Variants in CHCHD4 observed in about 807,000 individuals in gnomAD.
CHCHD4 encodes coiled-coil-helix-coiled-coil-helix domain containing 4.
Under a neutral mutation model 12.4 loss-of-function variants are expected in CHCHD4, and 7 were observed. The ratio of observed to expected loss-of-function variants is 0.57; its 90% CI spans 0.32 to 1.06. The LOEUF (loss-of-function observed/expected upper bound fraction) is 1.06, where lower values mean the gene tolerates loss of function less well. Ranked by LOEUF, CHCHD4 falls within the 50% of genes least tolerant of loss-of-function variation. The pLI, the probability that CHCHD4 is intolerant of heterozygous loss-of-function variation, is 0.04. For missense variants in CHCHD4, 143 were observed against 175.1 expected (o/e 0.82, Z 1.03); for synonymous variants, 56 against 58.0 (o/e 0.97, Z 0.16).
chr3:14,120,095 C>T (rs1338481866), intron 1 of CHCHD4, among the ~76,000 whole-genome samples: 1 of 152,194 alleles, frequency 6.6e-6, no homozygotes, highest in Non-Finnish European at 1.5e-5. Context: ...AGAATCAACT[C>T]AGTCCCCACC....
intron 2 of CHCHD4, among the ~76,000 whole-genome samples, chr3:14,114,496 A>C (rs558572900): frequency 6.6e-6 from 1 of 152,246 alleles, no homozygotes; most frequent in East Asian, 1.9e-4. Flanking sequence ...CCCTTCCCCT[A>C]CATCTCACCA....
intron 1 of CHCHD4, among the ~76,000 whole-genome samples, chr3:14,123,180 T>C (rs1467509172): frequency 6.6e-6 from 1 of 152,144 alleles, no homozygotes; most frequent in Non-Finnish European, 1.5e-5. Flanking sequence ...CAGGAAAAGA[T>C]AGGGCTCCAT....
intron 1 of CHCHD4, among the ~76,000 whole-genome samples, chr3:14,121,047 C>T (rs111408115): frequency 0.022 from 3,300 of 152,264 alleles, 58 homozygotes; most frequent in South Asian, 0.048. Context: ...TCTGCAGCTG[C>T]AGGCATATCC....
rs147780384 is a variant in CHCHD4, at chr3:14,116,436, G to A, written c.111C>T (p.Tyr37=). Residue 37 remains tyrosine, a synonymous_variant, in exon 2 of 3, where the codon TAC becomes TAT. Transcript: ENST00000396914. ...CCACATGTCACTCACCATGCTCCTC[G>A]TATGGATCGTTGGGGTCATCAGCCA... ...ELVADDPNDP[Y]EEHGLILPNG... 7.9e-5 allele frequency: 126 copies of A among 1,603,788 alleles called. No homozygotes were observed. In the Middle Eastern group the frequency reaches 1.3e-3, roughly 17 times the overall value.
intron 2 of CHCHD4, among the ~76,000 whole-genome samples, chr3:14,115,197 G>A (rs1271445940): frequency 6.6e-6 from 1 of 152,130 alleles, no homozygotes; most frequent in African/African-American, 2.4e-5. Flanking sequence ...ACTATAAGGG[G>A]CTGTAAAGCC....
Position 14,112,825 on chromosome 3 carries a change from A to AC in CHCHD4, c.*61dup. On this transcript the variant is annotated 3_prime_UTR_variant, in exon 3 of 3. Transcript: ENST00000396914. ...AAGGAAACTTTCTTGGAAGGTGATG[A>AC]CAAGGCCTTTTGCAAAAGGTCCACT... 15 of 1,471,984 alleles carry AC rather than the reference A, an allele frequency of 1.0e-5. No homozygotes were observed. Among genetic ancestry groups the AC allele is most frequent in the Non-Finnish European group, 1.4e-5 (15 of 1,085,912 alleles). 91.2% of individuals were successfully genotyped at this position (1,471,984 alleles called of 1,614,324 possible). A position where few individuals can be genotyped will look rare whatever the true frequency, so the allele number is the denominator to read the frequency against.
intron 1 of CHCHD4, chr3:14,121,780 C>G (rs1694936993): frequency 6.7e-7 from 1 of 1,484,802 alleles, no homozygotes; most frequent in African/African-American, 1.4e-5. Context: ...CTGCTAAGGA[C>G]TTTCATGTTT....
intron 1 of CHCHD4, among the ~76,000 whole-genome samples, chr3:14,117,836 T>C (rs2124976527): frequency 6.6e-6 from 1 of 152,328 alleles, no homozygotes; most frequent in Middle Eastern, 3.4e-3. Context: ...CTCTGAAGTC[T>C]ACACTGTTGG....
intron 1 of CHCHD4, among the ~76,000 whole-genome samples, chr3:14,119,716 C>T (rs1262362466): frequency 6.6e-6 from 1 of 152,220 alleles, no homozygotes; most frequent in African/African-American, 2.4e-5. Flanking sequence ...CTTAAACCCT[C>T]TGGTGCACAG....
chr3:14,112,851 C>A lies in CHCHD4; in HGVS notation c.*36G>T. 1 of 1,572,534 alleles carries A rather than the reference C, an allele frequency of 6.4e-7. No homozygotes were observed. The highest frequency in any genetic ancestry group is 8.6e-7 in the Non-Finnish European group (1 of 1,158,570). On this transcript the variant is annotated 3_prime_UTR_variant, in exon 3 of 3. Transcript: ENST00000396914. Reference sequence around the variant, plus strand: ...CAAGGCCTTTTGCAAAAGGTCCACTCCAAAAGGACTGGTGCCCAGTGCCTT... The same window carrying A: ...CAAGGCCTTTTGCAAAAGGTCCACTACAAAAGGACTGGTGCCCAGTGCCTT...
At position 14,113,201 on chromosome 3, in the gene CHCHD4, C is replaced by T. The variant is rs77941327; in HGVS notation, c.122-7G>A. ...CCATTTGGCAGTATCAATCCTAGAACAGGAAGATAGAGAGATGTTCTCTAA... is the reference window on the plus strand; with the variant it reads ...CCATTTGGCAGTATCAATCCTAGAATAGGAAGATAGAGAGATGTTCTCTAA... On this transcript the variant is annotated splice_region_variant and splice_polypyrimidine_tract_variant and intron_variant, in intron 2 of 2. Transcript: ENST00000396914. 4.8e-3 allele frequency: 7,684 copies of T among 1,594,664 alleles called. 376 individuals are homozygous for T. In the African/African-American group the frequency reaches 0.092, roughly 19 times the overall value.
intron 1 of CHCHD4, chr3:14,121,936 G>C: frequency 6.2e-7 from 1 of 1,614,096 alleles, no homozygotes; most frequent in African/African-American, 1.3e-5. Context: ...CTCCAGCTCT[G>C]TGGTAGTACC....
intron 1 of CHCHD4, among the ~76,000 whole-genome samples, chr3:14,117,901 C>T (rs961622239): frequency 1.3e-5 from 2 of 152,180 alleles, no homozygotes; most frequent in Admixed American, 6.5e-5. Context: ...CAAGAATAAT[C>T]GACAGCTGAC....
At position 14,121,822 on chromosome 3, in the gene CHCHD4, C is replaced by G. The variant is rs1364686252; in HGVS notation, c.22+2833G>C. 1.9e-6 allele frequency: 3 copies of G among 1,599,524 alleles called. No homozygotes were observed. The East Asian group carries it at 6.7e-5, about 36-fold the overall frequency. On this transcript the variant is annotated intron_variant, in intron 1 of 2. Transcript: ENST00000396914. ...TAACCCCTTTGAAAGATACAACTCCCCCATACAGAATCAAGTGTCTGTGAA... is the reference window on the plus strand; with the variant it reads ...TAACCCCTTTGAAAGATACAACTCCGCCATACAGAATCAAGTGTCTGTGAA...
At position 14,124,836 on chromosome 3, in the gene CHCHD4, C is replaced by T. The variant is rs1200001845; in HGVS notation, c.-160G>A. On this transcript the variant is annotated 5_prime_UTR_variant, in exon 1 of 3. Coordinates refer to ENST00000396914, the MANE Select transcript of CHCHD4 (RefSeq NM_001098502.2). ...CGCCGCGCGCCTGCCTCGGCGCCCTCGCAACCGCGGCCAGGCCAACCTCAG... is the reference window on the plus strand; with the variant it reads ...CGCCGCGCGCCTGCCTCGGCGCCCTTGCAACCGCGGCCAGGCCAACCTCAG... 46 of 857,786 alleles carry T rather than the reference C, an allele frequency of 5.4e-5. No individual in the cohort carries two copies. In the East Asian group the frequency reaches 1.0e-3, roughly 19 times the overall value. The allele number at this position is 857,786 out of a possible 1,614,324, so 53.1% of individuals were successfully genotyped here. A position where few individuals can be genotyped will look rare whatever the true frequency, so the allele number is the denominator to read the frequency against.
chr3:14,124,835 T>A lies in CHCHD4; in HGVS notation c.-159A>T, dbSNP rs1694991356. On this transcript the variant is annotated 5_prime_UTR_variant, in exon 1 of 3. Transcript: ENST00000396914. The stretch of plus-strand genomic sequence containing the variant: ...CCGCCGCGCGCCTGCCTCGGCGCCC[T>A]CGCAACCGCGGCCAGGCCAACCTCA... 1 of 864,132 alleles carries A rather than the reference T, an allele frequency of 1.2e-6. No homozygotes were observed. The highest frequency in any genetic ancestry group is 1.7e-6 in the Non-Finnish European group (1 of 576,712). The allele number at this position is 864,132 out of a possible 1,614,324, so 53.5% of individuals were successfully genotyped here.
At chr3:14,123,790 G>A (rs970980847) in intron 1 of CHCHD4, among the ~76,000 whole-genome samples, 1 of 152,186 alleles carries the variant, frequency 6.6e-6, no homozygotes, top group African/African-American at 2.4e-5. Flanking sequence ...GGAGCTCAGG[G>A]CCAAGGAGCC....
At chr3:14,117,117 T>C (rs1171241049) in intron 1 of CHCHD4, among the ~76,000 whole-genome samples, 1 of 152,244 alleles carries the variant, frequency 6.6e-6, no homozygotes, top group East Asian at 1.9e-4. Flanking sequence ...TGTGACCATC[T>C]GCAGTTTATT....
intron 1 of CHCHD4, among the ~76,000 whole-genome samples, chr3:14,120,712 A>C (rs79376214): frequency 0.025 from 3,847 of 152,326 alleles, 175 homozygotes; most frequent in African/African-American, 0.088. Flanking sequence ...AGCCCAGAAT[A>C]GTACCAAGGA....
Sources: allele counts gnomAD v4.1 joint callset (sites outside exome capture counted in the v4.1 genomes callset), GRCh38; gene constraint gnomAD v4.1.1; transcripts MANE v1.5; gene names NCBI Gene and HGNC (gene_info 2026-07-23, HGNC 2026-07-21).